ITPR2: variants seen among roughly 807,000 people sequenced by gnomAD.
ITPR2 encodes inositol 1,4,5-trisphosphate-gated calcium channel ITPR2.
Under a neutral mutation model 317.1 loss-of-function variants are expected in ITPR2, and 207 were observed. That is an observed-to-expected ratio of 0.65 (90% CI 0.58 to 0.73). The LOEUF (loss-of-function observed/expected upper bound fraction) is 0.73, where lower values mean the gene tolerates loss of function less well. Ranked by LOEUF, ITPR2 falls within the 30% of genes least tolerant of loss-of-function variation. The pLI is 0.00. For synonymous variants in ITPR2, 1,156 were observed against 1,149.1 expected (o/e 1.01, Z -0.12); for missense variants, 2,613 against 3,284.0 (o/e 0.80, Z 4.99).
rs547053960 is a variant in ITPR2 at position 26,665,383 on chromosome 12, C to A, written c.1551+527G>T. On this transcript the variant is annotated intron_variant, in intron 14 of 56. Transcript: ENST00000381340. ...CATGGTAGGCTGTCTCTACAATGGTCTCTGATATTCCTGCCTCCTGATATT... is the reference window on the plus strand; with the variant it reads ...CATGGTAGGCTGTCTCTACAATGGTATCTGATATTCCTGCCTCCTGATATT... 1.6e-4 allele frequency among the ~76,000 whole-genome samples: 24 copies of A among 152,344 alleles called. No homozygotes were observed. In the South Asian group the frequency reaches 5.0e-3, roughly 32 times the overall value.
intron 40 of ITPR2, chr12:26,486,719 A>G (rs1163446875): frequency 9.1e-6 from 5 of 546,704 alleles, no homozygotes; most frequent in Non-Finnish European, 1.0e-5. Flanking sequence ...GTCATTCTGA[A>G]TACCAAGAAT....
chr12:26,577,142 C>T (rs1945296133), intron 34 of ITPR2, among the ~76,000 whole-genome samples: 1 of 152,258 alleles, frequency 6.6e-6, no homozygotes, highest in African/African-American at 2.4e-5. Context: ...TGATAAATTA[C>T]TCAGTCACAG....
chr12:26,641,522 G>A (rs542497309), intron 21 of ITPR2, among the ~76,000 whole-genome samples: 6 of 151,986 alleles, frequency 3.9e-5, no homozygotes, highest in Admixed American at 1.3e-4. Context: ...CTACATACAA[G>A]CTGTATGATC....
intron 37 of ITPR2, among the ~76,000 whole-genome samples, chr12:26,504,639 T>C (rs1187960513): frequency 6.6e-6 from 1 of 152,226 alleles, no homozygotes; most frequent in Non-Finnish European, 1.5e-5. Flanking sequence ...GAATGTGGGA[T>C]GCAAATTGGT....
At chr12:26,545,336 G>T (rs983545496) in intron 37 of ITPR2, among the ~76,000 whole-genome samples, 2 of 152,078 alleles carry the variant, frequency 1.3e-5, no homozygotes, top group Non-Finnish European at 1.5e-5. Context: ...ATAGGAAGGA[G>T]ACAGGAGCAT....
intron 37 of ITPR2, among the ~76,000 whole-genome samples, chr12:26,538,522 G>A (rs1360006519): frequency 6.6e-6 from 1 of 151,996 alleles, no homozygotes; most frequent in Non-Finnish European, 1.5e-5. Context: ...AGAAAACCTT[G>A]ATTCATATTC....
intron 10 of ITPR2, among the ~76,000 whole-genome samples, chr12:26,687,990 G>A (rs528296596): frequency 6.6e-6 from 1 of 152,246 alleles, no homozygotes; most frequent in South Asian, 2.1e-4. Context: ...AAGGGAGTAT[G>A]GGCATGTAGG....
rs1951107600 is a variant in ITPR2, at chr12:26,831,746, T to TATA, written c.92+943_92+944insTAT. 7.2e-6 allele frequency among the ~76,000 whole-genome samples: 1 copy of TATA among 139,128 alleles called. No individual in the cohort carries two copies. The highest frequency in any genetic ancestry group is 7.3e-5 in the Admixed American group (1 of 13,688). The allele number at this position is 139,128 out of a possible 152,430, so 91.3% of individuals were successfully genotyped here. On this transcript the variant is annotated intron_variant, in intron 1 of 56. Transcript: ENST00000381340. This position sits in a 1 kb window ranked among gnomAD's most constrained non-coding sequence, Gnocchi z 4.9. ...CTACATAAAATATATAAATATATAT[T>TATA]CTACATAAAATATATAAATATATAT...
chr12:26,617,116 G>T (rs1946389664), intron 26 of ITPR2, among the ~76,000 whole-genome samples: 1 of 152,078 alleles, frequency 6.6e-6, no homozygotes, highest in Non-Finnish European at 1.5e-5. Context: ...CAACTGTGCG[G>T]GAGGGTAGCA....
chr12:26,377,557 T>C (rs1344868726), intron 55 of ITPR2, among the ~76,000 whole-genome samples: 1 of 152,234 alleles, frequency 6.6e-6, no homozygotes, highest in Non-Finnish European at 1.5e-5. Flanking sequence ...AGGATGTCTT[T>C]TGGCTTTTGG....
chr12:26,568,586 T>C (rs1352864766), intron 34 of ITPR2, among the ~76,000 whole-genome samples: 1 of 152,200 alleles, frequency 6.6e-6, no homozygotes, highest in Non-Finnish European at 1.5e-5. Context: ...TTACTGATGG[T>C]ATCTGCCAGA....
At chr12:26,735,519 G>A (rs574970980) in intron 2 of ITPR2, among the ~76,000 whole-genome samples, 2 of 152,210 alleles carry the variant, frequency 1.3e-5, no homozygotes, top group East Asian at 3.9e-4. Context: ...AAGAAGAGGA[G>A]GGAAGAAGAG....
intron 37 of ITPR2, 82 bp from the exon 38 acceptor site, chr12:26,495,342 C>T (rs1168142961): frequency 1.4e-6 from 1 of 737,722 alleles, no homozygotes; most frequent in Non-Finnish European, 2.2e-6. Flanking sequence ...GCTTTAAATG[C>T]ATTTTGTGAA....
chr12:26,731,132 A>T (rs77814591), intron 2 of ITPR2, among the ~76,000 whole-genome samples: 24,522 of 149,838 alleles, frequency 0.16, 2,743 homozygotes, highest in Non-Finnish European at 0.24. Context: ...GAAAAAAAAA[A>T]TTGGTTTTTA....
chr12:26,443,017 C>T (rs1016120639), intron 46 of ITPR2, among the ~76,000 whole-genome samples: 1 of 152,072 alleles, frequency 6.6e-6, no homozygotes, highest in Non-Finnish European at 1.5e-5. Flanking sequence ...TGGACTGCCA[C>T]CAACCATTAA....
rs144557618 is a variant in ITPR2, at chr12:26,386,943, A to G, written c.7857+491T>C. On this transcript the variant is annotated intron_variant, in intron 55 of 56. Transcript: ENST00000381340. Reference sequence around the variant, plus strand: ...ATTCATCAGCAACATTGGTAAATCAATCCGAAGTATGTGTTGATGGAAAAT... The same window carrying G: ...ATTCATCAGCAACATTGGTAAATCAGTCCGAAGTATGTGTTGATGGAAAAT... Among the ~76,000 whole-genome samples the G allele has an allele frequency of 9.8e-3, 1,485 of 152,244 alleles. 11 individuals carry two copies. The highest frequency in any genetic ancestry group is 0.027 in the Middle Eastern group (8 of 294).
chr12:26,638,963 T>C (rs993164484), intron 21 of ITPR2, among the ~76,000 whole-genome samples: 2 of 152,214 alleles, frequency 1.3e-5, no homozygotes, highest in African/African-American at 4.8e-5. Flanking sequence ...TAGGAATCAA[T>C]ACTATGTCAT....
intron 49 of ITPR2, among the ~76,000 whole-genome samples, chr12:26,423,500 C>A (rs1449879087): frequency 6.6e-6 from 1 of 152,060 alleles, no homozygotes; most frequent in African/African-American, 2.4e-5. Flanking sequence ...AAGGAAAAAT[C>A]ATTGTAGGTA....
At chr12:26,761,780 G>A (rs1310474441) in intron 2 of ITPR2, among the ~76,000 whole-genome samples, 2 of 152,206 alleles carry the variant, frequency 1.3e-5, no homozygotes, top group African/African-American at 4.8e-5. Flanking sequence ...CTGGGCGACA[G>A]AGCGAGATCC....
Sources: gnomAD v4.1 joint callset for allele counts (sites outside exome capture counted in the v4.1 genomes callset) on GRCh38, gnomAD v4.1.1 for gene constraint, Gnocchi (gnomAD v3.1) non-coding constraint, MANE v1.5 for transcripts, NCBI Gene and HGNC (gene_info 2026-07-23, HGNC 2026-07-21) for gene names.